FAM171A1: variants seen among roughly 807,000 people sequenced by gnomAD.
FAM171A1 encodes protein FAM171A1.
A neutral mutation model predicts 74.9 loss-of-function variants in FAM171A1; 23 were observed. The ratio of observed to expected loss-of-function variants is 0.31; its 90% CI spans 0.22 to 0.44. The LOEUF is 0.44. Ranked by LOEUF, FAM171A1 falls within the 20% of genes least tolerant of loss-of-function variation. The pLI is 1.00. For missense variants in FAM171A1, 1,162 were observed against 1,159.2 expected, an observed-to-expected ratio of 1.00 and a Z score of -0.03; for synonymous variants, 527 against 505.7, an observed-to-expected ratio of 1.04 and a Z score of -0.57.
chr10:15,321,114 G>A lies in FAM171A1; in HGVS notation c.98-37009C>T, dbSNP rs1250003409. Among the ~76,000 whole-genome samples, 3 of 152,184 alleles carry A rather than the reference G, an allele frequency of 2.0e-5. No individual in the cohort carries two copies. The South Asian group carries it at 6.2e-4, about 32-fold the overall frequency. On this transcript the variant is annotated intron_variant, in intron 1 of 7. Coordinates refer to ENST00000378116, the MANE Select transcript of FAM171A1 (RefSeq NM_001010924.2). The stretch of plus-strand genomic sequence containing the variant: ...TAGAAGAATATCCTTATATGTTCAA[G>A]TTTGCTACTGGGGAAAGGTAGTCAA...
At chr10:15,336,451 TG>T (rs1423812233) in intron 1 of FAM171A1, among the ~76,000 whole-genome samples, 2 of 152,162 alleles carry the variant, frequency 1.3e-5, no homozygotes, top group Non-Finnish European at 2.9e-5. Flanking sequence ...CTGTGGTGTT[TG>T]TAAGAGCACA....
chr10:15,256,625 C>T (rs1043831229), intron 3 of FAM171A1, among the ~76,000 whole-genome samples: 1 of 152,214 alleles, frequency 6.6e-6, no homozygotes, highest in Non-Finnish European at 1.5e-5. Flanking sequence ...AACAAACCCA[C>T]AGCGACACAC....
intron 3 of FAM171A1, among the ~76,000 whole-genome samples, chr10:15,255,769 TC>T: frequency 6.6e-6 from 1 of 152,050 alleles, no homozygotes; most frequent in Non-Finnish European, 1.5e-5. Context: ...TGCCTCAGTC[TC>T]CCAAGTAGCT....
chr10:15,221,289 A>C (rs1386189658), intron 5 of FAM171A1, among the ~76,000 whole-genome samples: 1 of 152,214 alleles, frequency 6.6e-6, no homozygotes, highest in East Asian at 1.9e-4. Flanking sequence ...TTGCCTTCTC[A>C]ATTAAATTAC....
intron 1 of FAM171A1, among the ~76,000 whole-genome samples, chr10:15,355,885 A>C (rs1474548463): frequency 6.6e-6 from 1 of 152,040 alleles, no homozygotes; most frequent in South Asian, 2.1e-4. Flanking sequence ...ACACACACAC[A>C]TGCATGTATA....
intron 1 of FAM171A1, among the ~76,000 whole-genome samples, chr10:15,367,954 C>T (rs1484948483): frequency 6.6e-6 from 1 of 152,234 alleles, no homozygotes; most frequent in Non-Finnish European, 1.5e-5. Flanking sequence ...CAGCTTACTG[C>T]TCCTCCAGGA....
intron 1 of FAM171A1, among the ~76,000 whole-genome samples, chr10:15,325,759 C>A (rs1835547955): frequency 6.6e-6 from 1 of 152,114 alleles, no homozygotes; most frequent in Admixed American, 6.5e-5. Flanking sequence ...TGCTTGGCTT[C>A]CACGTCCAAT....
chr10:15,292,847 T>G (rs1198897220), intron 1 of FAM171A1, among the ~76,000 whole-genome samples: 1 of 152,130 alleles, frequency 6.6e-6, no homozygotes, highest in Admixed American at 6.5e-5. Context: ...AAAACACAAT[T>G]ATCATGCCTA....
chr10:15,324,872 TA>T (rs1179880816), intron 1 of FAM171A1, among the ~76,000 whole-genome samples: 1 of 152,176 alleles, frequency 6.6e-6, no homozygotes, highest in East Asian at 1.9e-4. Context: ...TTGTACTAAA[TA>T]AGGACTTTTA....
chr10:15,239,714 C>A (rs1171415276), intron 5 of FAM171A1, among the ~76,000 whole-genome samples: 1 of 152,212 alleles, frequency 6.6e-6, no homozygotes, highest in East Asian at 1.9e-4. Flanking sequence ...AAGAGATCCA[C>A]TAAATAGAGT....
intron 1 of FAM171A1, among the ~76,000 whole-genome samples, chr10:15,340,952 T>C (rs1367216157): frequency 1.3e-5 from 2 of 152,116 alleles, no homozygotes; most frequent in African/African-American, 4.8e-5. Context: ...CAGGACGACA[T>C]CAACATTTCA....
At chr10:15,287,075 C>A (rs142965291) in intron 1 of FAM171A1, among the ~76,000 whole-genome samples, 12 of 151,020 alleles carry the variant, frequency 7.9e-5, no homozygotes, top group South Asian at 4.2e-4. Context: ...GACACATACA[C>A]ACACATTTTC....
chr10:15,265,183 G>A (rs145353396), intron 3 of FAM171A1, among the ~76,000 whole-genome samples: 45 of 152,178 alleles, frequency 3.0e-4, no homozygotes, highest in Non-Finnish European at 4.3e-4. Flanking sequence ...TCCTCGGGCC[G>A]ATTTATAATA....
chr10:15,274,574 C>T (rs980023008), intron 3 of FAM171A1, among the ~76,000 whole-genome samples: 1 of 152,158 alleles, frequency 6.6e-6, no homozygotes, highest in Non-Finnish European at 1.5e-5. Context: ...GCCTGCATTG[C>T]CAAGACAATC....
At chr10:15,342,127 C>T (rs1286007624) in intron 1 of FAM171A1, among the ~76,000 whole-genome samples, 1 of 152,188 alleles carries the variant, frequency 6.6e-6, no homozygotes, top group Non-Finnish European at 1.5e-5. Context: ...GGGCTACAAA[C>T]CCTAAGCAAT....
intron 1 of FAM171A1, among the ~76,000 whole-genome samples, chr10:15,322,487 T>A (rs1835498400): frequency 6.6e-6 from 1 of 152,214 alleles, no homozygotes. Flanking sequence ...TAGCAGCAGC[T>A]AGGTGGAGTT....
chr10:15,367,199 A>AAAACAAACAAACAAACAAAC (rs139900551), intron 1 of FAM171A1, among the ~76,000 whole-genome samples: 2 of 151,450 alleles, frequency 1.3e-5, no homozygotes, highest in African/African-American at 2.4e-5. Context: ...ACTCCATCTC[A>AAAACAAACAAACAAACAAAC]AAACAAACAA....
intron 3 of FAM171A1, among the ~76,000 whole-genome samples, chr10:15,261,907 C>G (rs904633233): frequency 6.6e-6 from 1 of 151,984 alleles, no homozygotes; most frequent in Non-Finnish European, 1.5e-5. Flanking sequence ...CGCTTGAGGC[C>G]AGGAGTCTGA....
intron 1 of FAM171A1, among the ~76,000 whole-genome samples, chr10:15,364,105 C>T (rs1468978887): frequency 6.6e-6 from 1 of 152,008 alleles, no homozygotes; most frequent in African/African-American, 2.4e-5. Context: ...GGGACTATGG[C>T]GACATCCCAT....
Sources: allele counts gnomAD v4.1 joint callset (sites outside exome capture counted in the v4.1 genomes callset), GRCh38; gene constraint gnomAD v4.1.1; transcripts MANE v1.5; gene names NCBI Gene and HGNC (gene_info 2026-07-23, HGNC 2026-07-21).